VBP1: variants seen among roughly 807,000 people sequenced by gnomAD.
VBP1 encodes prefoldin subunit 3.
A neutral mutation model predicts 15.5 loss-of-function variants in VBP1; 4 were observed. The ratio of observed to expected loss-of-function variants is 0.26; its 90% CI spans 0.13 to 0.59. The LOEUF is 0.59. Among genes scored for constraint, VBP1 ranks in the 20% least tolerant of loss-of-function variants. The pLI, the probability that VBP1 is intolerant of heterozygous loss-of-function variation, is 0.90. For synonymous variants in VBP1, 61 were observed against 52.1 expected, an observed-to-expected ratio of 1.17 and a Z score of -0.74; for missense variants, 108 against 139.6, an observed-to-expected ratio of 0.77 and a Z score of 1.14.
intron 2 of VBP1, among the ~76,000 whole-genome samples, chrX:155,223,190 A>C (rs1306290574): frequency 1.8e-4 from 1 of 5,531 alleles, no homozygotes; most frequent in Non-Finnish European, 6.0e-4. Context: ...AGTTCAGCCT[A>C]TTTCTTTCTT....
At chrX:155,213,350 G>A (rs895670370), upstream of VBP1, 11 of 112,031 alleles carry the variant, frequency 9.8e-5, no homozygotes, top group African/African-American at 3.2e-4. Context: ...CATTCCCCCA[G>A]CCTCAGGATT....
chrX:155,203,511 C>T (rs1201196615), intron 1 of VBP1, among the ~76,000 whole-genome samples: 4 of 102,428 alleles, frequency 3.9e-5, no homozygotes, highest in African/African-American at 1.4e-4. Flanking sequence ...ATCGCAAGGA[C>T]AAAAAACCAA....
intron 2 of VBP1, 106 bp from the exon 3 acceptor site, chrX:155,227,129 A>G: frequency 2.5e-6 from 1 of 406,379 alleles, no homozygotes; most frequent in Non-Finnish European, 4.1e-6. Flanking sequence ...ATATCTATAA[A>G]TAGTCCTCAA....
chrX:155,212,053 T>G (rs900652790), upstream of VBP1, among the ~76,000 whole-genome samples: 4 of 112,324 alleles, frequency 3.6e-5, no homozygotes, highest in African/African-American at 9.7e-5. Flanking sequence ...ATGGTTATTT[T>G]ACAATGGAGA....
At position 155,216,532 on chromosome X, in the gene VBP1, A is replaced by C. The variant is rs1557309035; in HGVS notation, c.50A>C (p.Asn17Thr). The stretch of plus-strand genomic sequence containing the variant: ...GGCAAAGGAGAAATGGCCACAGGGA[A>C]TGGGCGGCGGCTCCACCTGGGGATT... Reference protein sequence around the residue: ...SCGKGEMATGNGRRLHLGIPE... With the variant: ...SCGKGEMATGTGRRLHLGIPE... Residue 17 changes from asparagine to threonine, a missense_variant, in exon 1 of 6, where the codon AAT becomes ACT. Physicochemically the swap from Asn to Thr is moderately conservative, Grantham distance 65. Coordinates refer to ENST00000286428, the MANE Select transcript of VBP1 (RefSeq NM_003372.7). The C allele has an allele frequency of 1.7e-6, 2 of 1,171,097 alleles. No individual in the cohort carries two copies. The highest frequency in any genetic ancestry group is 2.3e-4 in the Middle Eastern group (1 of 4,278).
intron 5 of VBP1, 71 bp from the exon 6 acceptor site, chrX:155,238,701 G>C: frequency 1.2e-6 from 1 of 822,998 alleles, no homozygotes; most frequent in Admixed American, 2.7e-5. Flanking sequence ...TGTGTGAGTG[G>C]AGTGAATACT....
intron 1 of VBP1, among the ~76,000 whole-genome samples, chrX:155,219,045 C>G: frequency 8.9e-6 from 1 of 112,194 alleles, no homozygotes; most frequent in East Asian, 2.8e-4. Context: ...CAGCCATTAT[C>G]TCTCAGCCTC....
intron 1 of VBP1, among the ~76,000 whole-genome samples, chrX:155,206,072 C>T (rs1340096460): frequency 1.8e-5 from 2 of 111,725 alleles, no homozygotes; most frequent in African/African-American, 6.5e-5. Flanking sequence ...AACCCATGTC[C>T]CTGTGGGATG....
intron 1 of VBP1, among the ~76,000 whole-genome samples, chrX:155,200,578 C>T: frequency 9.2e-6 from 1 of 109,071 alleles, no homozygotes; most frequent in Non-Finnish European, 1.9e-5. Flanking sequence ...AAAGACACAA[C>T]ATACCAGAAT....
intron 2 of VBP1, among the ~76,000 whole-genome samples, chrX:155,225,640 A>G (rs1320809168): frequency 8.9e-6 from 1 of 112,334 alleles, no homozygotes; most frequent in Non-Finnish European, 1.9e-5. Flanking sequence ...CATATTACAT[A>G]TAATATTTAT....
chrX:155,230,706 CAG>C (rs1283569281), intron 4 of VBP1, among the ~76,000 whole-genome samples: 1 of 107,793 alleles, frequency 9.3e-6, no homozygotes, highest in Non-Finnish European at 1.9e-5. Context: ...TTTTCTGAGA[CAG>C]AGTCTCACTC....
intron 4 of VBP1, among the ~76,000 whole-genome samples, chrX:155,234,305 G>A (rs947221504): frequency 1.4e-4 from 15 of 108,608 alleles, no homozygotes; most frequent in African/African-American, 5.0e-4. Context: ...ATTTTTAGTA[G>A]AGACGGGGTT....
In VBP1 at chrX:155,236,313, T is replaced by A. The variant is rs781810617; in HGVS notation, c.469T>A (p.Ser157Thr). ...ATCGACTGCCACAAAGAATCTTGAT[T>A]CCCTGGAGGAAGACCTTGACTTTCT... is the stretch of plus-strand genomic sequence containing the variant. ...NLSTATKNLDSLEEDLDFLRD... is the reference protein window; with the variant it reads ...NLSTATKNLDTLEEDLDFLRD... The change falls in exon 5 of 6, where the codon TCC becomes ACC. Residue 157 changes from serine (S) to threonine (T), a missense_variant. Transcript: ENST00000286428. The A allele has an allele frequency of 2.5e-5, 30 of 1,209,808 alleles. No homozygotes were observed. The highest frequency in any genetic ancestry group is 2.8e-5 in the Non-Finnish European group (25 of 894,940).
At position 155,228,366 on chromosome X, in the gene VBP1, T is replaced by TG. The variant is rs1261455807; in HGVS notation, c.286-18_286-17insG. On this transcript the variant is annotated splice_polypyrimidine_tract_variant and intron_variant, in intron 3 of 5. Coordinates refer to ENST00000286428, the MANE Select transcript of VBP1 (RefSeq NM_003372.7). The stretch of plus-strand genomic sequence containing the variant: ...CTGGCCTGTTTATGGTACTGTCATT[T>TG]TTTTTTTTGTTTTGAAGGAGTCCAC... 1 of 1,178,088 alleles carries TG rather than the reference T, an allele frequency of 8.5e-7. No homozygotes were observed. Among genetic ancestry groups the TG allele is most frequent in the Admixed American group, 2.3e-5 (1 of 42,919 alleles).
chrX:155,211,496 A>G (rs1472574522), upstream of VBP1, among the ~76,000 whole-genome samples: 1 of 112,443 alleles, frequency 8.9e-6, no homozygotes, highest in African/African-American at 3.2e-5. Context: ...AAGTATTTAT[A>G]GGCTGATAGA....
chrX:155,221,067 G>A (rs1054186080), intron 2 of VBP1, among the ~76,000 whole-genome samples: 16 of 110,136 alleles, frequency 1.5e-4, no homozygotes, highest in African/African-American at 4.3e-4. Flanking sequence ...CCGGCGGCTC[G>A]CACCTGTAAT....
At chrX:155,237,134 G>A (rs1037521436) in intron 5 of VBP1, among the ~76,000 whole-genome samples, 1 of 111,838 alleles carries the variant, frequency 8.9e-6, no homozygotes, top group South Asian at 3.7e-4. Context: ...TTAAAGATCA[G>A]CAGAGAGAAG....
intron 2 of VBP1, chrX:155,209,086 A>ACT (rs1311598869): frequency 2.8e-6 from 2 of 711,693 alleles, no homozygotes; most frequent in African/African-American, 2.1e-5. Flanking sequence ...TCTTTTGTAT[A>ACT]CTGTTGGTCT....
intron 1 of VBP1, among the ~76,000 whole-genome samples, chrX:155,204,855 A>G (rs1393955737): frequency 8.9e-6 from 1 of 111,783 alleles, no homozygotes; most frequent in Admixed American, 9.5e-5. Context: ...CTTCTGAAGG[A>G]TTTTATTGTT....
Sources: allele counts gnomAD v4.1 joint callset (sites outside exome capture counted in the v4.1 genomes callset), GRCh38; gene constraint gnomAD v4.1.1; transcripts MANE v1.5; gene names NCBI Gene and HGNC (gene_info 2026-07-23, HGNC 2026-07-21).